Variants in KAZN observed in about 807,000 individuals in gnomAD.
The protein encoded by KAZN is kazrin.
Under a neutral mutation model 87.4 loss-of-function variants are expected in KAZN, and 40 were observed. The observed-to-expected ratio is 0.46, with a 90% CI of 0.36 to 0.60. KAZN has a LOEUF of 0.60. Among genes scored for constraint, KAZN ranks in the 20% least tolerant of loss-of-function variants. KAZN has a pLI of 0.00. For missense variants in KAZN, 898 were observed against 1,073.9 expected, an observed-to-expected ratio of 0.84 and a Z score of 2.29; for synonymous variants, 466 against 458.3, an observed-to-expected ratio of 1.02 and a Z score of -0.22.
At chr1:14,167,684 C>T (rs1007156646) in intron 1 of KAZN, among the ~76,000 whole-genome samples, 2 of 152,114 alleles carry the variant, frequency 1.3e-5, no homozygotes, top group African/African-American at 2.4e-5. Flanking sequence ...GATCATGCCA[C>T]TTCACTCCAG....
intron 2 of KAZN, among the ~76,000 whole-genome samples, chr1:14,442,154 A>G (rs60070687): frequency 0.17 from 26,546 of 152,224 alleles, 2,587 homozygotes; most frequent in East Asian, 0.22. Context: ...CACCTCACAG[A>G]GTTGCAAGGA....
At chr1:14,898,927 C>T (rs1441347734) in intron 1 of KAZN, among the ~76,000 whole-genome samples, 1 of 152,192 alleles carries the variant, frequency 6.6e-6, no homozygotes, top group Non-Finnish European at 1.5e-5. Context: ...TTCCAGATTG[C>T]CCCTTGCTCC....
rs557576710 is a variant in KAZN, at chr1:14,654,520, C to CT, written c.226+55300dup. Reference sequence around the variant, plus strand: ...GGAGTTTCATGCAAAATAGCCCCCGCTTTAAGACTCACTCACCTAAATTTA... The same window carrying CT: ...GGAGTTTCATGCAAAATAGCCCCCGCTTTTAAGACTCACTCACCTAAATTTA... On this transcript the variant is annotated intron_variant, in intron 1 of 14. Coordinates refer to ENST00000376030, the MANE Select transcript of KAZN (RefSeq NM_201628.3). Among the ~76,000 whole-genome samples the CT allele has an allele frequency of 1.7e-3, 264 of 152,144 alleles. 1 individual carries two copies. The highest frequency in any genetic ancestry group is 4.4e-3 in the South Asian group (21 of 4,818).
intron 1 of KAZN, among the ~76,000 whole-genome samples, chr1:14,071,154 G>A (rs896305436): frequency 6.6e-6 from 1 of 152,068 alleles, no homozygotes; most frequent in African/African-American, 2.4e-5. Context: ...TCAAGCACAA[G>A]ACAGCTGTAG....
Position 13,915,924 on chromosome 1 carries a change from G to A in KAZN, c.91+22168G>A, listed in dbSNP as rs571612527. ...AAAACAATTCAGATGGCATTAGGGA[G>A]ATTTCAGAAAATAGGAGAGGTGAAG... is the stretch of plus-strand genomic sequence containing the variant. On this transcript the variant is annotated intron_variant, in intron 1 of 16. Transcript: ENST00000636203. Among the ~76,000 whole-genome samples the A allele has an allele frequency of 7.2e-5, 11 of 152,256 alleles. No individual in the cohort carries two copies. In the South Asian group the frequency reaches 8.3e-4, roughly 12 times the overall value.
intron 2 of KAZN, among the ~76,000 whole-genome samples, chr1:14,327,100 G>T (rs1275490059): frequency 1.3e-5 from 2 of 152,216 alleles, no homozygotes; most frequent in Non-Finnish European, 2.9e-5. Context: ...ACGACTGGAG[G>T]AATGTGTCGG....
rs559859493 is a variant in KAZN at position 14,855,640 on chromosome 1, C to T, written c.227-105044C>T. The stretch of plus-strand genomic sequence containing the variant: ...TTGCTCTTGGCATTAGGAACACAAA[C>T]CTGGTAGCTGTTCTGCGCAGGAAAG... On this transcript the variant is annotated intron_variant, in intron 1 of 14. Transcript: ENST00000376030. 1.1e-4 allele frequency among the ~76,000 whole-genome samples: 16 copies of T among 152,282 alleles called. No individual in the cohort carries two copies. The South Asian group carries it at 3.3e-3, about 32-fold the overall frequency.
intron 1 of KAZN, among the ~76,000 whole-genome samples, chr1:14,680,284 C>A (rs117571822): frequency 6.6e-6 from 1 of 152,048 alleles, no homozygotes; most frequent in South Asian, 2.1e-4. Context: ...TCCTGGAAAA[C>A]GCCTTTGTGC....
At chr1:14,246,160 C>T (rs1649482376) in intron 2 of KAZN, among the ~76,000 whole-genome samples, 1 of 152,096 alleles carries the variant, frequency 6.6e-6, no homozygotes, top group South Asian at 2.1e-4. Flanking sequence ...ACAACATACA[C>T]TGGGTCCTGT....
intron 1 of KAZN, among the ~76,000 whole-genome samples, chr1:14,146,260 C>T (rs1304543157): frequency 6.6e-6 from 1 of 151,694 alleles, no homozygotes; most frequent in African/African-American, 2.4e-5. Context: ...TGGGGCCAGG[C>T]ACGGTGGCTC....
chr1:13,993,352 C>T (rs1358041190), intron 1 of KAZN, among the ~76,000 whole-genome samples: 2 of 151,874 alleles, frequency 1.3e-5, no homozygotes, highest in Admixed American at 6.5e-5. Context: ...AGGAGTTTAC[C>T]AGGTTTTAGT....
chr1:14,497,180 G>A (rs1355283357), intron 2 of KAZN, among the ~76,000 whole-genome samples: 2 of 151,894 alleles, frequency 1.3e-5, no homozygotes, highest in East Asian at 1.9e-4. Context: ...ATAAAACACC[G>A]ACTTCACCCT....
intron 2 of KAZN, among the ~76,000 whole-genome samples, chr1:14,268,467 G>A (rs1171806356): frequency 7.5e-6 from 1 of 132,626 alleles, no homozygotes; most frequent in Non-Finnish European, 1.7e-5. Flanking sequence ...ATTTGACACT[G>A]TGTTAAAAAA....
At chr1:14,149,403 G>A (rs1645426764) in intron 1 of KAZN, among the ~76,000 whole-genome samples, 6 of 151,922 alleles carry the variant, frequency 3.9e-5, no homozygotes, top group Admixed American at 3.9e-4. Context: ...CACCATGCCT[G>A]GCCACAACCT....
intron 1 of KAZN, among the ~76,000 whole-genome samples, chr1:14,102,309 C>G (rs1570741607): frequency 1.3e-5 from 2 of 152,070 alleles, no homozygotes; most frequent in African/African-American, 4.8e-5. Context: ...TAGAGACAGC[C>G]TGGGAAAAAA....
At chr1:14,999,580 C>T (rs968912933) in intron 2 of KAZN, among the ~76,000 whole-genome samples, 1 of 151,456 alleles carries the variant, frequency 6.6e-6, no homozygotes, top group Non-Finnish European at 1.5e-5. Flanking sequence ...GCTGCTACCT[C>T]GGAGGGAGCT....
intron 1 of KAZN, among the ~76,000 whole-genome samples, chr1:14,908,209 G>A (rs1419391690): frequency 6.6e-6 from 1 of 151,804 alleles, no homozygotes; most frequent in Non-Finnish European, 1.5e-5. Context: ...ACCAGCCTGG[G>A]CAACATAGCA....
At chr1:14,569,897 G>A (rs1674759633) in intron 2 of KAZN, among the ~76,000 whole-genome samples, 1 of 151,690 alleles carries the variant, frequency 6.6e-6, no homozygotes, top group South Asian at 2.1e-4. Flanking sequence ...TGGATCACAA[G>A]GTTAGGAGAT....
chr1:14,085,106 C>T (rs918225648), intron 1 of KAZN, among the ~76,000 whole-genome samples: 1 of 152,078 alleles, frequency 6.6e-6, no homozygotes, highest in African/African-American at 2.4e-5. Flanking sequence ...CTATTCTTCC[C>T]CCAGTTACAC....
Sources: allele counts gnomAD v4.1 joint callset (sites outside exome capture counted in the v4.1 genomes callset), GRCh38; gene constraint gnomAD v4.1.1; transcripts MANE v1.5; gene names NCBI Gene and HGNC (gene_info 2026-07-23, HGNC 2026-07-21).